NCOR2: variants seen among roughly 807,000 people sequenced by gnomAD.
NCOR2 encodes CTG repeat protein 26.
A neutral mutation model predicts 262.9 loss-of-function variants in NCOR2; 81 were observed. The observed-to-expected ratio is 0.31, with a 90% CI of 0.26 to 0.37. NCOR2 has a LOEUF of 0.37. Ranked by LOEUF, NCOR2 falls within the 10% of genes least tolerant of loss-of-function variation. The pLI is 1.00. For synonymous variants in NCOR2, 1,659 were observed against 1,559.3 expected (o/e 1.06, Z -1.51); for missense variants, 3,385 against 3,621.4 (o/e 0.93, Z 1.68).
Position 124,438,020 on chromosome 12 carries a change from C to G in NCOR2, c.816-24G>C, listed in dbSNP as rs748763581. On this transcript the variant is annotated intron_variant, in intron 7 of 46. Coordinates refer to ENST00000405201, the Ensembl canonical transcript of NCOR2. Reference sequence around the variant, plus strand: ...TTCTGTGCAGGAGGGAAGCGGCAGACAGGTCAGCCCGGCCGGGCTCAGGCG... The same window carrying G: ...TTCTGTGCAGGAGGGAAGCGGCAGAGAGGTCAGCCCGGCCGGGCTCAGGCG... 3 of 1,598,998 alleles carry G rather than the reference C, an allele frequency of 1.9e-6. 1 individual carries two copies. Among genetic ancestry groups the G allele is most frequent in the Non-Finnish European group, 2.6e-6 (3 of 1,171,792 alleles).
At chr12:124,329,354 G>C (rs986132640) in intron 44 of NCOR2, among the ~76,000 whole-genome samples, 7 of 151,850 alleles carry the variant, frequency 4.6e-5, no homozygotes, top group Non-Finnish European at 8.8e-5. Context: ...CCCGCTACTT[G>C]GGAGGCTGAG....
intron 31 of NCOR2, among the ~76,000 whole-genome samples, chr12:124,345,698 A>G (rs2036864803): frequency 6.6e-6 from 1 of 152,236 alleles, no homozygotes; most frequent in African/African-American, 2.4e-5. Context: ...CAAGGACTCC[A>G]TAATTGCCTA....
In NCOR2 at chr12:124,344,596, C is replaced by A. The variant is rs1328928924; in HGVS notation, c.4714+1G>T. On this transcript the variant is annotated splice_donor_variant, in intron 32 of 46. Transcript: ENST00000405201. LOFTEE classifies it high-confidence loss of function. ...CTCACGCCCATGCACACCCCACTCA[C>A]CCTCCTGCAGGCGCGGCGTGGGCTC... The A allele has an allele frequency of 1.4e-6, 2 of 1,449,442 alleles. No homozygotes were observed. Among genetic ancestry groups the A allele is most frequent in the Non-Finnish European group, 9.1e-7 (1 of 1,096,374 alleles). The allele number at this position is 1,449,442 out of a possible 1,614,324, so 89.8% of individuals were successfully genotyped here.
intron 11 of NCOR2, 147 bp downstream of exon 13, chr12:124,426,475 G>A (rs1265018245): frequency 8.1e-6 from 6 of 740,404 alleles, no homozygotes; most frequent in East Asian, 6.5e-5. Context: ...TTGGACTTCC[G>A]GCCTCCACAA....
In NCOR2 at chr12:124,336,656, T is replaced by A. The variant is rs1361378651; in HGVS notation, c.6115+97A>T. ...AGTCTTACCATCGCGAGGGGAGCCG[T>A]TGGCCAGCGCACCTCCTTCTCGCGC... On this transcript the variant is annotated intron_variant, in intron 38 of 46. Transcript: ENST00000405201. The A allele has an allele frequency of 1.1e-5, 16 of 1,522,526 alleles. No homozygotes were observed. In the South Asian group the frequency reaches 1.8e-4, roughly 17 times the overall value. 94.3% of individuals were successfully genotyped at this position (1,522,526 alleles called of 1,614,324 possible).
At chr12:124,348,378 C>T in intron 28 of NCOR2, 64 bp from the exon 31 acceptor site, 1 of 1,529,002 alleles carries the variant, frequency 6.5e-7, no homozygotes. Context: ...GGTGGGCAGG[C>T]AGGACAGGCA....
At position 124,500,362 on chromosome 12, in the gene NCOR2, C is replaced by A. The variant is rs114969917; in HGVS notation, c.-117-4994G>T. Among the ~76,000 whole-genome samples, 749 of 152,306 alleles carry A rather than the reference C, an allele frequency of 4.9e-3. 6 individuals are homozygous for A. The highest frequency in any genetic ancestry group is 0.017 in the African/African-American group (711 of 41,568). ...TGCCTGCCAGGAGGTAGCAAACACA[C>A]AAGTGCCCCCCGCCCCCACTGCACT... is the stretch of plus-strand genomic sequence containing the variant. On this transcript the variant is annotated intron_variant, in intron 1 of 46. Coordinates refer to the NCOR2 transcript ENST00000404621.
Position 124,343,105 on chromosome 12 carries a change from C to T in NCOR2, c.4836G>A (p.Glu1612=), listed in dbSNP as rs376809588. The change falls in exon 33 of 47, where the codon GAG becomes GAA. Residue 1612 remains glutamate (E), a synonymous_variant. Transcript: ENST00000405201. ...CGCCACTCACGCCCCGAAGCAGGTG[C>T]TCATAGGGCGAGATGGGGTGTGGGT... The T allele has an allele frequency of 2.5e-6, 4 of 1,612,348 alleles. No homozygotes were observed. In the Admixed American group the frequency reaches 5.0e-5, roughly 20 times the overall value.
At chr12:124,337,408 T>C (rs995220038) in intron 37 of NCOR2, 3 of 702,514 alleles carry the variant, frequency 4.3e-6, no homozygotes, top group Non-Finnish European at 5.2e-6. Context: ...ATTAAGCAGC[T>C]ACTAGGTGCC....
chr12:124,507,284 A>G (rs1593885683), intron 1 of NCOR2, among the ~76,000 whole-genome samples: 2 of 152,334 alleles, frequency 1.3e-5, no homozygotes, highest in Middle Eastern at 6.8e-3. Context: ...GCTAAACAAT[A>G]TGGCTATTCT....
At chr12:124,333,886 A>ATGTGTGGAAAGGCTGCGCATG (rs1555299220) in intron 41 of NCOR2, among the ~76,000 whole-genome samples, 1 of 120,724 alleles carries the variant, frequency 8.3e-6, no homozygotes. Flanking sequence ...GCGGGTGTGC[A>ATGTGTGGAAAGGCTGCGCATG]TGTGTGTGTG....
intron 24 of NCOR2, 184 bp downstream of exon 26, chr12:124,355,248 A>T (rs2037858408): frequency 8.7e-6 from 6 of 689,140 alleles, no homozygotes; most frequent in South Asian, 7.6e-5. Flanking sequence ...ATACAGAGTG[A>T]CCCCCCAGGG....
exon 46 of NCOR2, chr12:124,326,289 T>C: frequency 1.3e-6 from 2 of 1,567,412 alleles, no homozygotes; most frequent in Admixed American, 1.9e-5. Flanking sequence ...GGGTGGCCGG[T>C]CCCCAGATGC....
At chr12:124,415,339 CCA>C (rs1323175634) in intron 13 of NCOR2, among the ~76,000 whole-genome samples, 1 of 152,264 alleles carries the variant, frequency 6.6e-6, no homozygotes, top group Non-Finnish European at 1.5e-5. Flanking sequence ...ACAAATACAG[CCA>C]CAGACAGAGA....
intron 13 of NCOR2, among the ~76,000 whole-genome samples, chr12:124,408,842 C>A (rs774588084): frequency 6.6e-6 from 1 of 152,192 alleles, no homozygotes; most frequent in Non-Finnish European, 1.5e-5. Context: ...CATGGAGCTA[C>A]GAAGTCATCC....
At chr12:124,386,201 G>C (rs923141800) in intron 16 of NCOR2, among the ~76,000 whole-genome samples, 48 of 152,268 alleles carry the variant, frequency 3.2e-4, no homozygotes, top group African/African-American at 9.9e-4. Flanking sequence ...CCACTGCGCG[G>C]GAGTCTGGGG....
At chr12:124,349,101 G>A (rs955029161) in intron 28 of NCOR2, among the ~76,000 whole-genome samples, 1 of 152,234 alleles carries the variant, frequency 6.6e-6, no homozygotes, top group Admixed American at 6.5e-5. Context: ...TGCACGGAGA[G>A]GTGTGTGTTG....
In NCOR2 at chr12:124,416,535, C is replaced by CCCCGCGGCACAGGGAGA. The variant is rs879371565; in HGVS notation, c.1482+3405_1482+3421dup. Reference sequence around the variant, plus strand: ...CAGGGAGACCGGCGGCACAGGGAGACCCCGCGGCACAGGGAGACCCGCGGC... The same window carrying CCCCGCGGCACAGGGAGA: ...CAGGGAGACCGGCGGCACAGGGAGACCCCGCGGCACAGGGAGACCCGCGGCACAGGGAGACCCGCGGC... On this transcript the variant is annotated intron_variant, in intron 13 of 46. Transcript: ENST00000405201. Among the ~76,000 whole-genome samples the CCCCGCGGCACAGGGAGA allele has an allele frequency of 3.8e-4, 58 of 150,664 alleles. 2 individuals carry two copies. Among genetic ancestry groups the CCCCGCGGCACAGGGAGA allele is most frequent in the Non-Finnish European group, 1.0e-4 (7 of 67,592 alleles).
intron 9 of NCOR2, 69 bp downstream of exon 11, chr12:124,430,546 C>T: frequency 6.5e-7 from 1 of 1,532,726 alleles, no homozygotes; most frequent in Non-Finnish European, 8.8e-7. Context: ...GCCAGGCCAT[C>T]TCTACTGAGG....
Sources: gnomAD v4.1 joint callset for allele counts (sites outside exome capture counted in the v4.1 genomes callset) on GRCh38, gnomAD v4.1.1 for gene constraint, MANE v1.5 for transcripts, NCBI Gene and HGNC (gene_info 2026-07-23, HGNC 2026-07-21) for gene names.